ABCC1: variants seen among roughly 807,000 people sequenced by gnomAD.
The protein encoded by ABCC1 is multidrug resistance-associated protein 1.
Under a neutral mutation model 172.9 loss-of-function variants are expected in ABCC1, and 83 were observed. The observed-to-expected ratio is 0.48, with a 90% CI of 0.40 to 0.58. The LOEUF is 0.58. ABCC1 is among the 20% of genes least tolerant of loss of function. The pLI is 0.00. For missense variants in ABCC1, 1,817 were observed against 2,002.7 expected (o/e 0.91, Z 1.77); for synonymous variants, 937 against 825.2 (o/e 1.14, Z -2.32).
chr16:16,112,374 C>CAA (rs1197942092), intron 22 of ABCC1, among the ~76,000 whole-genome samples: 9 of 133,612 alleles, frequency 6.7e-5, no homozygotes, highest in South Asian at 2.5e-4. Flanking sequence ...AAAAAATAAA[C>CAA]AAAAAAAAAA....
chr16:16,116,882 C>T (rs1405265131), intron 23 of ABCC1, among the ~76,000 whole-genome samples: 3 of 152,040 alleles, frequency 2.0e-5, no homozygotes, highest in Non-Finnish European at 2.9e-5. Context: ...TGAGTAAATT[C>T]GGATTACTTA....
At chr16:16,063,245 T>C (rs1041774137) in intron 12 of ABCC1, among the ~76,000 whole-genome samples, 2 of 152,150 alleles carry the variant, frequency 1.3e-5, no homozygotes, top group African/African-American at 2.4e-5. Context: ...GAGCTGGGAT[T>C]ACAGGTGTGC....
chr16:15,968,710 G>A (rs1365967544), intron 1 of ABCC1, among the ~76,000 whole-genome samples: 1 of 151,828 alleles, frequency 6.6e-6, no homozygotes, highest in Non-Finnish European at 1.5e-5. Context: ...AACAAGAACG[G>A]GATTCTACAA....
intron 19 of ABCC1, among the ~76,000 whole-genome samples, chr16:16,095,727 T>A (rs534519931): frequency 6.6e-6 from 1 of 152,322 alleles, no homozygotes; most frequent in East Asian, 1.9e-4. Context: ...GATATCAGTC[T>A]GTTGCCCAGG....
At chr16:16,000,462 T>C (rs1001997282) in intron 1 of ABCC1, among the ~76,000 whole-genome samples, 3 of 152,078 alleles carry the variant, frequency 2.0e-5, no homozygotes, top group Non-Finnish European at 4.4e-5. Context: ...CTCTTTTTAC[T>C]TATCAGGAGA....
chr16:16,101,425 A>G (rs1443015815), intron 19 of ABCC1, among the ~76,000 whole-genome samples: 1 of 152,122 alleles, frequency 6.6e-6, no homozygotes, highest in Non-Finnish European at 1.5e-5. Context: ...TCCAGGAATG[A>G]TCTGCAGCCC....
At chr16:16,049,354 C>T (rs947532914) in intron 10 of ABCC1, among the ~76,000 whole-genome samples, 3 of 152,192 alleles carry the variant, frequency 2.0e-5, no homozygotes, top group African/African-American at 7.2e-5. Context: ...CATTGGCCAG[C>T]CTGGGTCACA....
chr16:15,999,798 T>TC (rs2047196795), intron 1 of ABCC1, among the ~76,000 whole-genome samples: 1 of 33,228 alleles, frequency 3.0e-5, no homozygotes, highest in Non-Finnish European at 8.7e-5. Flanking sequence ...TCTCTCTCTC[T>TC]CTCTCTCTCT....
chr16:16,050,185 CTGG>C (rs2049368665), intron 10 of ABCC1, among the ~76,000 whole-genome samples: 1 of 152,160 alleles, frequency 6.6e-6, no homozygotes, highest in Admixed American at 6.6e-5. Flanking sequence ...AAGAGAAGGG[CTGG>C]ACGAAATGGC....
chr16:16,102,529 C>T lies in ABCC1; in HGVS notation c.2645-98C>T, dbSNP rs188179562. The T allele has an allele frequency of 1.5e-5, 16 of 1,080,642 alleles. No individual in the cohort carries two copies. The East Asian group carries it at 3.6e-4, about 24-fold the overall frequency. The allele number at this position is 1,080,642 out of a possible 1,614,324, so 66.9% of individuals were successfully genotyped here. On this transcript the variant is annotated intron_variant, in intron 19 of 30. Transcript: ENST00000399410. Reference sequence around the variant, plus strand: ...CTGATCATCCTGGCGGCCAGGTGCTCTGTGGTCTCCTCACTGAAGTGGCCG... The same window carrying T: ...CTGATCATCCTGGCGGCCAGGTGCTTTGTGGTCTCCTCACTGAAGTGGCCG...
intron 11 of ABCC1, among the ~76,000 whole-genome samples, chr16:16,055,345 T>C (rs1270177351): frequency 6.6e-6 from 1 of 151,286 alleles, no homozygotes; most frequent in Non-Finnish European, 1.5e-5. Flanking sequence ...AAGTCAGGAG[T>C]TCGAAACCAG....
chr16:15,996,101 C>T (rs1338569128), intron 1 of ABCC1, among the ~76,000 whole-genome samples: 2 of 150,344 alleles, frequency 1.3e-5, no homozygotes, highest in African/African-American at 4.9e-5. Flanking sequence ...TCTCCTGTCT[C>T]AGTCTCCTGA....
At chr16:15,966,630 G>A (rs2046249128) in intron 1 of ABCC1, among the ~76,000 whole-genome samples, 1 of 149,038 alleles carries the variant, frequency 6.7e-6, no homozygotes, top group South Asian at 2.1e-4. Context: ...TGCTGCAATT[G>A]TAGTTTGCTT....
chr16:16,117,241 A>G (rs1169820687), intron 23 of ABCC1, among the ~76,000 whole-genome samples: 1 of 152,154 alleles, frequency 6.6e-6, no homozygotes, highest in Non-Finnish European at 1.5e-5. Context: ...AGGAGAAGCA[A>G]ACATGTCCTT....
Position 15,972,927 on chromosome 16 carries a change from T to G in ABCC1, c.48+23128T>G, listed in dbSNP as rs550263745. ...TATCCTCCCACCTTAGCCTCCAGAG[T>G]AGCTGGGACTACCACATGCACCACC... On this transcript the variant is annotated intron_variant, in intron 1 of 30. Transcript: ENST00000399410. 1.5e-4 allele frequency among the ~76,000 whole-genome samples: 22 copies of G among 150,792 alleles called. No homozygotes were observed. In the South Asian group the frequency reaches 4.6e-3, roughly 32 times the overall value.
intron 5 of ABCC1, among the ~76,000 whole-genome samples, chr16:16,028,489 G>A (rs1272218167): frequency 1.3e-5 from 2 of 152,060 alleles, no homozygotes; most frequent in African/African-American, 4.8e-5. Flanking sequence ...CAGCACCTTG[G>A]TCTTTCACAG....
At chr16:15,949,570 G>C (rs1490130884), upstream of ABCC1, 3 of 171,068 alleles carry the variant, frequency 1.8e-5, no homozygotes, top group East Asian at 5.9e-4. Flanking sequence ...CGTGACGCGC[G>C]GGCCAACCAG....
Position 16,014,540 on chromosome 16 carries a change from C to A in ABCC1, c.401C>A (p.Ser134Tyr). 1 of 1,614,150 alleles carries A rather than the reference C, an allele frequency of 6.2e-7. No individual in the cohort carries two copies. The highest frequency in any genetic ancestry group is 1.1e-5 in the South Asian group (1 of 91,082). Residue 134 changes from serine (S) to tyrosine (Y), a missense_variant, in exon 4 of 31, where the codon TCT becomes TAT. Around this residue, in one of 3 missense-constraint regions of ABCC1, gnomAD observed 398 missense variants for 384.2 expected, o/e 1.04. Coordinates refer to ENST00000399410, the MANE Select transcript of ABCC1 (RefSeq NM_004996.4). ...CTGGAGAGGAGGAAGGGAGTTCAGT[C>A]TTCAGGGATCATGCTCACTTTCTGG... ...IQLERRKGVQ[S>Y]SGIMLTFWLV... is the part of the protein sequence containing the mutation.
At chr16:16,129,574 G>A (rs1326955220) in intron 26 of ABCC1, among the ~76,000 whole-genome samples, 2 of 148,364 alleles carry the variant, frequency 1.3e-5, no homozygotes, top group Admixed American at 1.4e-4. Context: ...GTCTTGCTGT[G>A]TCACCCAGAC....
Sources: gnomAD v4.1 joint callset for allele counts (sites outside exome capture counted in the v4.1 genomes callset) on GRCh38, gnomAD v4.1.1 for gene constraint, gnomAD v4.1.1 regional missense constraint, MANE v1.5 for transcripts, NCBI Gene and HGNC (gene_info 2026-07-23, HGNC 2026-07-21) for gene names.